The following PARD3 variants were observed in gnomAD, a reference collection of about 807,000 sequenced individuals.
PARD3 encodes the protein partitioning defective 3 homolog.
Under a neutral mutation model 155.4 loss-of-function variants are expected in PARD3, and 75 were observed. The ratio of observed to expected loss-of-function variants is 0.48; its 90% CI spans 0.40 to 0.58. The LOEUF is 0.58. Ranked by LOEUF, PARD3 falls within the 20% of genes least tolerant of loss-of-function variation. PARD3 has a pLI of 0.00. For missense variants in PARD3, 1,642 were observed against 1,721.7 expected (o/e 0.95, Z 0.82); for synonymous variants, 576 against 610.5 (o/e 0.94, Z 0.83).
chr10:34,198,155 A>G (rs557697380), intron 22 of PARD3, among the ~76,000 whole-genome samples: 1 of 152,386 alleles, frequency 6.6e-6, no homozygotes, highest in African/African-American at 2.4e-5. Flanking sequence ...AAAAAATTCA[A>G]TAAGCCAAGC....
chr10:34,638,694 C>T (rs2092568148), intron 2 of PARD3, among the ~76,000 whole-genome samples: 1 of 152,160 alleles, frequency 6.6e-6, no homozygotes, highest in African/African-American at 2.4e-5. Context: ...CTTTCCATTT[C>T]TGGGTATTTT....
intron 4 of PARD3, among the ~76,000 whole-genome samples, chr10:34,457,493 A>G (rs1299139157): frequency 6.6e-6 from 1 of 152,226 alleles, no homozygotes. Context: ...CTGAAAGAAG[A>G]AACAGGGATC....
chr10:34,204,156 A>ATGATAC (rs1951352198), intron 22 of PARD3, among the ~76,000 whole-genome samples: 1 of 152,218 alleles, frequency 6.6e-6, no homozygotes. Context: ...ATTGATGTTA[A>ATGATAC]TGATAACGTA....
chr10:34,454,480 T>C (rs1030910929), intron 4 of PARD3, among the ~76,000 whole-genome samples: 2 of 152,282 alleles, frequency 1.3e-5, no homozygotes, highest in African/African-American at 2.4e-5. Flanking sequence ...TTCAAGACTA[T>C]ATATGCTCAC....
At chr10:34,693,201 A>G (rs768649825) in intron 2 of PARD3, among the ~76,000 whole-genome samples, 3 of 152,254 alleles carry the variant, frequency 2.0e-5, no homozygotes, top group Admixed American at 6.5e-5. Context: ...CAATTTCCCA[A>G]TGAATTTAAA....
intron 2 of PARD3, among the ~76,000 whole-genome samples, chr10:34,533,101 A>T (rs2082970279): frequency 6.6e-6 from 1 of 152,250 alleles, no homozygotes; most frequent in Non-Finnish European, 1.5e-5. Context: ...TACAATAAGA[A>T]TATGGGATTA....
At chr10:34,765,162 G>A (rs1837929624) in intron 1 of PARD3, among the ~76,000 whole-genome samples, 1 of 152,078 alleles carries the variant, frequency 6.6e-6, no homozygotes, top group African/African-American at 2.4e-5. Context: ...CTGATTTTCT[G>A]GTACCTTTAT....
intron 5 of PARD3, among the ~76,000 whole-genome samples, chr10:34,410,298 A>C (rs1408091400): frequency 4.0e-5 from 6 of 151,240 alleles, no homozygotes; most frequent in Non-Finnish European, 2.9e-5. Context: ...GTTTACTTTC[A>C]GTTTTTTTTT....
At chr10:34,305,316 C>T (rs979053350) in intron 20 of PARD3, among the ~76,000 whole-genome samples, 1 of 152,126 alleles carries the variant, frequency 6.6e-6, no homozygotes, top group East Asian at 1.9e-4. Flanking sequence ...TACCTAGCAG[C>T]GGTAGTGAAA....
At chr10:34,266,585 G>A (rs115871860) in intron 22 of PARD3, among the ~76,000 whole-genome samples, 16 of 152,176 alleles carry the variant, frequency 1.1e-4, no homozygotes, top group South Asian at 2.1e-4. Flanking sequence ...TAAAAGTATC[G>A]TAAGTCTGAC....
At chr10:34,352,131 A>T (rs1299619324) in intron 14 of PARD3, among the ~76,000 whole-genome samples, 1 of 152,226 alleles carries the variant, frequency 6.6e-6, no homozygotes, top group Non-Finnish European at 1.5e-5. Flanking sequence ...ATATAATAAA[A>T]TGCCTGGAAG....
intron 2 of PARD3, among the ~76,000 whole-genome samples, chr10:34,617,575 C>T (rs1278938177): frequency 2.6e-5 from 4 of 152,120 alleles, no homozygotes; most frequent in Admixed American, 6.5e-5. Context: ...AATATCACAC[C>T]GTATGCCATA....
At chr10:34,718,257 A>G (rs2094551489) in intron 1 of PARD3, among the ~76,000 whole-genome samples, 2 of 152,316 alleles carry the variant, frequency 1.3e-5, no homozygotes, top group South Asian at 4.1e-4. Flanking sequence ...CAAGCAGTAC[A>G]TGAATTGAGA....
At chr10:34,574,210 G>A (rs1184313313) in intron 2 of PARD3, among the ~76,000 whole-genome samples, 1 of 152,084 alleles carries the variant, frequency 6.6e-6, no homozygotes, top group Admixed American at 6.5e-5. Flanking sequence ...TTATAAAAAG[G>A]GGACACTGGA....
At chr10:34,244,183 A>C (rs1953789889) in intron 22 of PARD3, among the ~76,000 whole-genome samples, 1 of 152,240 alleles carries the variant, frequency 6.6e-6, no homozygotes, top group African/African-American at 2.4e-5. Flanking sequence ...GTACAGTAAC[A>C]GGATGTTACT....
intron 3 of PARD3, among the ~76,000 whole-genome samples, chr10:34,492,366 A>G (rs1301284782): frequency 6.6e-6 from 1 of 152,154 alleles, no homozygotes; most frequent in East Asian, 1.9e-4. Context: ...TTCAAACAGA[A>G]CAAGGCTGTC....
intron 5 of PARD3, among the ~76,000 whole-genome samples, chr10:34,449,756 C>T (rs537168363): frequency 3.5e-4 from 54 of 152,140 alleles, no homozygotes; most frequent in Non-Finnish European, 5.4e-4. Flanking sequence ...TCTGATTTCA[C>T]GAATTGTAGG....
chr10:34,771,755 T>G lies in PARD3; in HGVS notation c.120+43121A>C, dbSNP rs570680881. Among the ~76,000 whole-genome samples the G allele has an allele frequency of 3.9e-5, 6 of 152,324 alleles. No homozygotes were observed. The East Asian group carries it at 1.2e-3, about 29-fold the overall frequency. ...TTCAGGCTGGTATACAGAAAAGAACTGATCTGATAGAAATGAACATCCTGT... is the reference window on the plus strand; with the variant it reads ...TTCAGGCTGGTATACAGAAAAGAACGGATCTGATAGAAATGAACATCCTGT... On this transcript the variant is annotated intron_variant, in intron 1 of 24. Coordinates refer to ENST00000374788, the MANE Select transcript of PARD3 (RefSeq NM_001184785.2).
chr10:34,528,010 A>G (rs2082594110), intron 2 of PARD3, among the ~76,000 whole-genome samples: 1 of 152,226 alleles, frequency 6.6e-6, no homozygotes, highest in African/African-American at 2.4e-5. Flanking sequence ...AAGTAACTAA[A>G]TAATAAAATT....
Sources: allele counts gnomAD v4.1 joint callset (sites outside exome capture counted in the v4.1 genomes callset), GRCh38; gene constraint gnomAD v4.1.1; transcripts MANE v1.5; gene names NCBI Gene and HGNC (gene_info 2026-07-23, HGNC 2026-07-21).